Variants in ZPBP observed in about 807,000 individuals in gnomAD.
The protein encoded by ZPBP is zona pellucida binding protein, also known as zona pellucida-binding protein 1.
ZPBP carries 26 observed loss-of-function variants against 44.8 expected under a neutral mutation model. The observed-to-expected ratio is 0.58, with a 90% confidence interval of 0.43 to 0.81. The LOEUF (loss-of-function observed/expected upper bound fraction) is 0.81. ZPBP is among the 30% of genes least tolerant of loss of function. The probability of loss-of-function intolerance (pLI) is 0.00; values close to 1 mark genes in which losing one functional copy is unlikely to be tolerated. For missense variants in ZPBP, 409 were observed against 434.0 expected (o/e 0.94, Z 0.51); for synonymous variants, 174 against 153.2 (o/e 1.14, Z -1.00).
chr7:50,059,824 T>G (rs1801157803), intron 3 of ZPBP, among the ~76,000 whole-genome samples: 1 of 151,676 alleles, frequency 6.6e-6, no homozygotes, highest in Non-Finnish European at 1.5e-5. Flanking sequence ...AAATGCCCCC[T>G]GACTGCCTTC....
intron 7 of ZPBP, among the ~76,000 whole-genome samples, chr7:49,944,600 T>C (rs1483338120): frequency 1.3e-5 from 2 of 152,166 alleles, no homozygotes; most frequent in Non-Finnish European, 2.9e-5. Context: ...CATAGTTCAA[T>C]CTTGGTAGGC....
intron 7 of ZPBP, among the ~76,000 whole-genome samples, chr7:49,977,820 A>G (rs1796597240): frequency 6.6e-6 from 1 of 152,200 alleles, no homozygotes; most frequent in South Asian, 2.1e-4. Flanking sequence ...ATATTCTGAC[A>G]TTCTATGTGT....
chr7:49,995,379 A>G (rs1413634618), intron 6 of ZPBP, among the ~76,000 whole-genome samples: 4 of 152,206 alleles, frequency 2.6e-5, no homozygotes. Context: ...GAAAAAAGGT[A>G]TCTGTCAGAT....
intron 7 of ZPBP, among the ~76,000 whole-genome samples, chr7:49,981,677 A>ATATTATATAT (rs1487757080): frequency 4.6e-5 from 2 of 43,248 alleles, no homozygotes; most frequent in African/African-American, 3.5e-4. Flanking sequence ...ATTATATATT[A>ATATTATATAT]TATATAATAA....
intron 2 of ZPBP, among the ~76,000 whole-genome samples, chr7:49,892,707 C>A (rs1792195602): frequency 6.6e-6 from 1 of 152,196 alleles, no homozygotes. Context: ...CAGGGATCTG[C>A]CTCTCAGTTC....
At chr7:49,899,588 T>C (rs1474879931) in intron 2 of ZPBP, among the ~76,000 whole-genome samples, 1 of 152,000 alleles carries the variant, frequency 6.6e-6, no homozygotes, top group Non-Finnish European at 1.5e-5. Context: ...GGAGGTATTA[T>C]ATAATGATAA....
intron 2 of ZPBP, among the ~76,000 whole-genome samples, chr7:50,085,232 T>A (rs1485852638): frequency 4.6e-5 from 7 of 152,126 alleles, no homozygotes; most frequent in African/African-American, 1.4e-4. Flanking sequence ...GACAAATATC[T>A]GGAACAGATT....
intron 6 of ZPBP, among the ~76,000 whole-genome samples, chr7:49,983,931 T>C (rs1024276794): frequency 7.1e-5 from 10 of 141,042 alleles, no homozygotes; most frequent in South Asian, 2.2e-4. Context: ...AAATTTAATT[T>C]AAAAACAAAA....
At chr7:49,952,340 C>T (rs1384185783) in intron 7 of ZPBP, among the ~76,000 whole-genome samples, 2 of 151,846 alleles carry the variant, frequency 1.3e-5, no homozygotes, top group East Asian at 1.9e-4. Context: ...ATGCATAAAA[C>T]AATAAATGGT....
intron 6 of ZPBP, among the ~76,000 whole-genome samples, chr7:50,008,478 A>G (rs1160034961): frequency 6.6e-6 from 1 of 152,110 alleles, no homozygotes; most frequent in African/African-American, 2.4e-5. Flanking sequence ...AATCCCTATC[A>G]AAATGCCAAT....
intron 6 of ZPBP, among the ~76,000 whole-genome samples, chr7:50,010,908 C>CAAAAAAAAAAAAAAAAAAAAAAAA (rs71554292): frequency 8.7e-5 from 8 of 92,434 alleles, no homozygotes; most frequent in Non-Finnish European, 1.4e-4. Flanking sequence ...CAAGACCAAG[C>CAAAAAAAAAAAAAAAAAAAAAAAA]AAAAAAAAAA....
At chr7:49,945,213 G>A (rs1046197109) in intron 7 of ZPBP, among the ~76,000 whole-genome samples, 5 of 152,206 alleles carry the variant, frequency 3.3e-5, no homozygotes, top group East Asian at 1.9e-4. Context: ...GAAGATACTT[G>A]ATATAATTTC....
intron 1 of ZPBP, among the ~76,000 whole-genome samples, chr7:49,910,466 G>A (rs1437880221): frequency 6.6e-6 from 1 of 152,174 alleles, no homozygotes; most frequent in African/African-American, 2.4e-5. Flanking sequence ...AACTGTTGAA[G>A]ATAAAAGTTG....
At chr7:50,025,598 A>G (rs1269817780) in intron 5 of ZPBP, among the ~76,000 whole-genome samples, 1 of 151,846 alleles carries the variant, frequency 6.6e-6, no homozygotes, top group Non-Finnish European at 1.5e-5. Context: ...ATAAATCTAG[A>G]CTTATACCTT....
At chr7:49,986,348 C>T (rs1797279270) in intron 6 of ZPBP, among the ~76,000 whole-genome samples, 1 of 152,184 alleles carries the variant, frequency 6.6e-6, no homozygotes, top group Admixed American at 6.5e-5. Flanking sequence ...ACCACAATGG[C>T]CGCAGGCACC....
At chr7:50,089,758 A>G in intron 1 of ZPBP, 49 bp from the exon 2 acceptor site, 5 of 1,391,106 alleles carry the variant, frequency 3.6e-6, no homozygotes, top group Non-Finnish European at 5.0e-6. Context: ...ATTCTAAAAT[A>G]TTCAAATATA....
At chr7:49,893,283 G>C (rs1327623167) in intron 2 of ZPBP, among the ~76,000 whole-genome samples, 1 of 152,132 alleles carries the variant, frequency 6.6e-6, no homozygotes, top group African/African-American at 2.4e-5. Flanking sequence ...GTTCCCAGAG[G>C]GCTGGAAGGA....
At chr7:50,077,579 G>A (rs986138776) in intron 3 of ZPBP, among the ~76,000 whole-genome samples, 2 of 151,760 alleles carry the variant, frequency 1.3e-5, no homozygotes, top group African/African-American at 4.8e-5. Context: ...AAAGAAAATT[G>A]GCAAAAGATG....
chr7:49,957,285 G>T lies in ZPBP; in HGVS notation c.962-19663C>A, dbSNP rs74626965. 4.2e-3 allele frequency among the ~76,000 whole-genome samples: 641 copies of T among 152,330 alleles called. 3 individuals carry two copies. The highest frequency in any genetic ancestry group is 0.015 in the African/African-American group (623 of 41,576). ...TAGCAGCACAGAGTGGACTAAGATA[G>T]AAAATTGATTTTGAGAAGTGGGACT... On this transcript the variant is annotated intron_variant, in intron 7 of 7. Coordinates refer to ENST00000046087, the MANE Select transcript of ZPBP (RefSeq NM_007009.3).
Sources: gnomAD v4.1 joint callset for allele counts (sites outside exome capture counted in the v4.1 genomes callset) on GRCh38, gnomAD v4.1.1 for gene constraint, MANE v1.5 for transcripts, NCBI Gene and HGNC (gene_info 2026-07-23, HGNC 2026-07-21) for gene names.